The following LAMA2 variants were observed in gnomAD, a reference collection of about 807,000 sequenced individuals.
LAMA2 encodes the protein laminin subunit alpha 2.
A neutral mutation model predicts 364.8 loss-of-function variants in LAMA2; 269 were observed. The observed-to-expected ratio is 0.74, with a 90% CI of 0.67 to 0.82. LAMA2 has a LOEUF of 0.82. LAMA2 is among the 40% of genes least tolerant of loss of function. LAMA2 has a pLI of 0.00. For synonymous variants in LAMA2, 1,379 were observed against 1,370.6 expected (o/e 1.01, Z -0.14); for missense variants, 3,807 against 3,873.2 (o/e 0.98, Z 0.45).
At chr6:129,182,731 G>A (rs970178688) in intron 10 of LAMA2, among the ~76,000 whole-genome samples, 1 of 151,654 alleles carries the variant, frequency 6.6e-6, no homozygotes, top group Non-Finnish European at 1.5e-5. Context: ...CAGAATAGTA[G>A]TTACCTCTAG....
chr6:129,214,956 G>A (rs942149957), intron 12 of LAMA2, among the ~76,000 whole-genome samples: 2 of 152,108 alleles, frequency 1.3e-5, no homozygotes, highest in African/African-American at 4.8e-5. Context: ...TTTCACTGGA[G>A]TTTTATAGTT....
intron 28 of LAMA2, among the ~76,000 whole-genome samples, chr6:129,324,169 A>T (rs1775133026): frequency 6.6e-6 from 1 of 152,232 alleles, no homozygotes; most frequent in Non-Finnish European, 1.5e-5. Context: ...AATATAACCT[A>T]AAACAATCAT....
chr6:129,030,157 T>G (rs1786122605), intron 1 of LAMA2, among the ~76,000 whole-genome samples: 1 of 152,150 alleles, frequency 6.6e-6, no homozygotes, highest in Non-Finnish European at 1.5e-5. Flanking sequence ...GGGCGTGGCC[T>G]CTAGCCAGTC....
intron 1 of LAMA2, among the ~76,000 whole-genome samples, chr6:128,922,526 A>G (rs1288319063): frequency 2.6e-5 from 4 of 151,132 alleles, no homozygotes; most frequent in African/African-American, 9.8e-5. Flanking sequence ...GTGTCTGTTC[A>G]TGTCCTTCGC....
rs746785436 is a variant in LAMA2 at position 129,165,575 on chromosome 6, G to T, written c.1207-1G>T. 6.3e-7 allele frequency: 1 copy of T among 1,597,484 alleles called. No individual in the cohort carries two copies. Among genetic ancestry groups the T allele is most frequent in the Non-Finnish European group, 8.6e-7 (1 of 1,166,046 alleles). The stretch of plus-strand genomic sequence containing the variant: ...TAAATTCATTTTAATATTTTTGTTA[G>T]GTATCTCCAAATTATCCAAGGCCAT... On this transcript the variant is annotated splice_acceptor_variant, in intron 8 of 64. Transcript: ENST00000421865. LOFTEE classifies it high-confidence loss of function.
At position 129,153,189 on chromosome 6, in the gene LAMA2, G is replaced by A. The variant is rs116712741; in HGVS notation, c.1028-1316G>A. Among the ~76,000 whole-genome samples, 598 of 152,190 alleles carry A rather than the reference G, an allele frequency of 3.9e-3. 2 individuals carry two copies. The highest frequency in any genetic ancestry group is 0.014 in the African/African-American group (567 of 41,508). ...TTCTAATGTAACATGAAAAAGACAA[G>A]GAGGAAGAAAAGAAGAAAAATCAAT... On this transcript the variant is annotated intron_variant, in intron 7 of 64. Transcript: ENST00000421865.
intron 1 of LAMA2, among the ~76,000 whole-genome samples, chr6:129,033,760 A>G (rs950459609): frequency 2.0e-5 from 3 of 152,236 alleles, no homozygotes; most frequent in Middle Eastern, 3.4e-3. Flanking sequence ...TACTGAACAT[A>G]TGTTCCGCTG....
intron 4 of LAMA2, among the ~76,000 whole-genome samples, chr6:129,126,348 A>G (rs1777114408): frequency 6.6e-6 from 1 of 152,216 alleles, no homozygotes; most frequent in Non-Finnish European, 1.5e-5. Flanking sequence ...TCAAATATCC[A>G]GATAGTAATA....
chr6:129,507,401 A>G, intron 61 of LAMA2, 88 bp from the exon 62 acceptor site: 3 of 1,387,974 alleles, frequency 2.2e-6, no homozygotes, highest in Non-Finnish European at 3.1e-6. Context: ...AACTACACAC[A>G]TAGAGCACCC....
intron 1 of LAMA2, among the ~76,000 whole-genome samples, chr6:128,988,859 A>G (rs564471669): frequency 1.2e-4 from 19 of 152,332 alleles, no homozygotes; most frequent in Middle Eastern, 3.4e-3. Context: ...TTAATAGGAT[A>G]CTGAATAAAT....
At chr6:128,954,781 G>T (rs1769821181) in intron 1 of LAMA2, among the ~76,000 whole-genome samples, 1 of 151,834 alleles carries the variant, frequency 6.6e-6, no homozygotes, top group African/African-American at 2.4e-5. Context: ...CAATCTTTTG[G>T]TTTAAGGCAG....
intron 29 of LAMA2, among the ~76,000 whole-genome samples, chr6:129,333,169 G>A (rs530330164): frequency 4.6e-4 from 70 of 152,154 alleles, no homozygotes; most frequent in African/African-American, 1.7e-3. Context: ...AGGGATTACA[G>A]GCATGAACCA....
chr6:129,177,166 C>G (rs1276188819), intron 9 of LAMA2, among the ~76,000 whole-genome samples: 2 of 152,158 alleles, frequency 1.3e-5, no homozygotes, highest in East Asian at 1.9e-4. Flanking sequence ...TCATCTATTG[C>G]TTCTTATCCC....
chr6:129,016,566 G>T (rs1056610079), intron 1 of LAMA2, among the ~76,000 whole-genome samples: 2 of 151,814 alleles, frequency 1.3e-5, no homozygotes, highest in African/African-American at 2.4e-5. Context: ...TTAAGGAAAA[G>T]AAATTAGACA....
chr6:129,221,902 A>G (rs902560586), intron 12 of LAMA2, among the ~76,000 whole-genome samples: 1 of 152,240 alleles, frequency 6.6e-6, no homozygotes, highest in Non-Finnish European at 1.5e-5. Flanking sequence ...TAAATGAACT[A>G]CAGGTATACG....
At chr6:129,395,688 A>G (rs1353848649) in intron 37 of LAMA2, among the ~76,000 whole-genome samples, 3 of 152,234 alleles carry the variant, frequency 2.0e-5, no homozygotes, top group Admixed American at 6.5e-5. Context: ...TACCATAATT[A>G]TCACAGGCGT....
At chr6:129,014,584 C>A (rs894863220) in intron 1 of LAMA2, among the ~76,000 whole-genome samples, 2 of 152,040 alleles carry the variant, frequency 1.3e-5, no homozygotes, top group Non-Finnish European at 2.9e-5. Flanking sequence ...GTGTACAAAG[C>A]AGAAGAAAGA....
intron 62 of LAMA2, among the ~76,000 whole-genome samples, chr6:129,511,328 T>C (rs188885024): frequency 6.6e-6 from 1 of 152,264 alleles, no homozygotes; most frequent in Admixed American, 6.5e-5. Flanking sequence ...TCTCTTCTCC[T>C]TACTTCTCCC....
chr6:129,403,260 CATTTT>C (rs10532240), intron 39 of LAMA2, among the ~76,000 whole-genome samples: 75,790 of 151,438 alleles, frequency 0.5, 19,401 homozygotes, highest in African/African-American at 0.62. Flanking sequence ...TATGAACTAT[CATTTT>C]ATTTTATGTC....
Sources: gnomAD v4.1 joint callset for allele counts (sites outside exome capture counted in the v4.1 genomes callset) on GRCh38, gnomAD v4.1.1 for gene constraint, MANE v1.5 for transcripts, NCBI Gene and HGNC (gene_info 2026-07-23, HGNC 2026-07-21) for gene names.